Variants in NIPA2 observed in about 807,000 individuals in gnomAD.
NIPA2 encodes the protein NIPA magnesium transporter 2.
In NIPA2, 11 loss-of-function variants were observed where a neutral mutation model predicts 29.7. The ratio of observed to expected loss-of-function variants is 0.37; its 90% CI spans 0.23 to 0.61. The LOEUF is 0.61. Ranked by LOEUF, NIPA2 falls within the 20% of genes least tolerant of loss-of-function variation. NIPA2 has a pLI of 0.66. For missense variants in NIPA2, 426 were observed against 437.9 expected, an observed-to-expected ratio of 0.97 and a Z score of 0.24; for synonymous variants, 183 against 161.9, an observed-to-expected ratio of 1.13 and a Z score of -0.99.
intron 2 of NIPA2, among the ~76,000 whole-genome samples, chr15:22,840,470 G>T (rs1476591474): frequency 6.6e-6 from 1 of 151,790 alleles, no homozygotes; most frequent in Non-Finnish European, 1.5e-5. Context: ...GCTAATTTTT[G>T]TATTTTTAGT....
At chr15:22,840,841 T>C (rs1896890867) in intron 2 of NIPA2, among the ~76,000 whole-genome samples, 1 of 152,210 alleles carries the variant, frequency 6.6e-6, no homozygotes, top group Admixed American at 6.5e-5. Context: ...GAATTTCACA[T>C]ATTTTCAGAA....
chr15:22,845,505 G>T (rs948525503), intron 3 of NIPA2, among the ~76,000 whole-genome samples: 1 of 152,172 alleles, frequency 6.6e-6, no homozygotes, highest in Admixed American at 6.5e-5. Context: ...AACCACCACA[G>T]AAAACCTAAG....
rs2141672241 is a variant in NIPA2, at chr15:22,866,238, G to A, written c.474G>A (p.Val158=). 1 of 1,613,636 alleles carries A rather than the reference G, an allele frequency of 6.2e-7. No homozygotes were observed. The highest frequency in any genetic ancestry group is 2.2e-5 in the East Asian group (1 of 44,880). The part of the protein sequence containing the change: ...DPGFVVFATL[V]VIVALILIFV... ...GTTTTGTGGTCTTTGCAACCCTTGT[G>A]GTCATTGTGGCCTTGATATTAATCT... The change falls in exon 8 of 8, where the codon GTG becomes GTA. Residue 158 remains valine (V), a synonymous_variant. Coordinates refer to ENST00000337451, the MANE Select transcript of NIPA2 (RefSeq NM_030922.7).
intron 3 of NIPA2, among the ~76,000 whole-genome samples, chr15:22,848,338 G>C (rs1040331842): frequency 3.3e-5 from 5 of 152,010 alleles, no homozygotes; most frequent in Non-Finnish European, 7.4e-5. Flanking sequence ...TAAAACATCG[G>C]TTACATTTTA....
At chr15:22,861,013 C>A (rs555186928) in intron 7 of NIPA2, among the ~76,000 whole-genome samples, 2 of 152,080 alleles carry the variant, frequency 1.3e-5, no homozygotes, top group Non-Finnish European at 2.9e-5. Context: ...CTACTTACTT[C>A]CTTAGCTTTA....
intron 3 of NIPA2, among the ~76,000 whole-genome samples, chr15:22,849,059 G>A (rs1417544200): frequency 6.6e-6 from 1 of 152,054 alleles, no homozygotes; most frequent in African/African-American, 2.4e-5. Context: ...CCTGCTTTTT[G>A]TTGCAATCTT....
intron 2 of NIPA2, among the ~76,000 whole-genome samples, chr15:22,841,350 G>A (rs1332455591): frequency 2.0e-5 from 3 of 152,102 alleles, no homozygotes; most frequent in African/African-American, 7.2e-5. Flanking sequence ...ATATCTATTT[G>A]TTTTATGTAA....
chr15:22,846,026 G>A (rs991226907), intron 3 of NIPA2, among the ~76,000 whole-genome samples: 2 of 152,126 alleles, frequency 1.3e-5, no homozygotes, highest in African/African-American at 2.4e-5. Flanking sequence ...TATATGTATT[G>A]TTTTAATCAC....
rs776499734 is a variant in NIPA2 at position 22,839,745 on chromosome 15, C to G, written c.-261C>G. On this transcript the variant is annotated 5_prime_UTR_variant, in exon 2 of 8. Transcript: ENST00000337451. ...TGAGAGTGAATAAGTCATCTCTAAC[C>G]TCTCCCAGCCTTTTTTTCATAAGAG... The G allele has an allele frequency of 2.0e-5, 3 of 152,048 alleles. No individual in the cohort carries two copies. The highest frequency in any genetic ancestry group is 2.1e-4 in the South Asian group (1 of 4,824). The allele number at this position is 152,048 out of a possible 1,614,324, so 9.4% of individuals were successfully genotyped here. A position where few individuals can be genotyped will look rare whatever the true frequency, so the allele number is the denominator to read the frequency against.
Position 22,858,565 on chromosome 15 carries a change from C to G in NIPA2, c.222C>G (p.Phe74Leu). The G allele has an allele frequency of 6.2e-7, 1 of 1,606,800 alleles. No homozygotes were observed. Among genetic ancestry groups the G allele is most frequent in the Non-Finnish European group, 8.5e-7 (1 of 1,175,682 alleles). The change falls in exon 6 of 8, where the codon TTC (phenylalanine) becomes TTG (leucine). Residue 74 changes from phenylalanine (F) to leucine (L), a missense_variant. Coordinates refer to ENST00000337451, the MANE Select transcript of NIPA2 (RefSeq NM_030922.7). ...LSMGAGEVANFAAYAFAPATL... is the reference protein window; with the variant it reads ...LSMGAGEVANLAAYAFAPATL... ...TGGGAGCTGGTGAGGTGGCCAACTT[C>G]GCTGCGTATGCGTTTGCACCAGCCA...
intron 5 of NIPA2, among the ~76,000 whole-genome samples, chr15:22,857,352 G>T (rs905630182): frequency 2.0e-5 from 3 of 151,298 alleles, no homozygotes; most frequent in African/African-American, 7.3e-5. Context: ...CAGGAGAATC[G>T]CTTTAACTTG....
At chr15:22,855,110 A>G (rs1485211568) in intron 5 of NIPA2, among the ~76,000 whole-genome samples, 1 of 151,946 alleles carries the variant, frequency 6.6e-6, no homozygotes, top group East Asian at 1.9e-4. Context: ...TTAAAAAGGC[A>G]CGTGGAAAAA....
rs2059273234 is a variant in NIPA2, at chr15:22,868,194, G to C, written c.*1347G>C. ...CCAACTTTATTATTGGCCTTCTAAG[G>C]AGCTGTTTTAGATGTTTTTTCTAAC... On this transcript the variant is annotated 3_prime_UTR_variant, in exon 8 of 8. Transcript: ENST00000337451. 6.6e-6 allele frequency: 1 copy of C among 152,124 alleles called. No individual in the cohort carries two copies. Among genetic ancestry groups the C allele is most frequent in the South Asian group, 2.1e-4 (1 of 4,822 alleles). 9.4% of individuals were successfully genotyped at this position (152,124 alleles called of 1,614,324 possible).
At chr15:22,863,874 C>G (rs1383031973) in intron 7 of NIPA2, among the ~76,000 whole-genome samples, 1 of 152,110 alleles carries the variant, frequency 6.6e-6, no homozygotes, top group East Asian at 1.9e-4. Context: ...ACTTTGATGG[C>G]TCTTTGATGC....
rs376804174 is a variant in NIPA2, at chr15:22,843,773, CACCAGTAGCTGGGATT to C, written c.-215-1370_-215-1355del. On this transcript the variant is annotated intron_variant, in intron 2 of 7. Coordinates refer to ENST00000337451, the MANE Select transcript of NIPA2 (RefSeq NM_030922.7). ...TCAATAGATTCTCCTTCCTTAGCCT[CACCAGTAGCTGGGATT>C]ACAGGCACCCGCCCTCATGGCAAAT... Among the ~76,000 whole-genome samples the C allele has an allele frequency of 1.4e-4, 21 of 152,078 alleles. 1 individual carries two copies. The highest frequency in any genetic ancestry group is 4.8e-4 in the African/African-American group (20 of 41,510).
intron 4 of NIPA2, among the ~76,000 whole-genome samples, chr15:22,852,464 G>A (rs573334099): frequency 7.9e-4 from 76 of 96,220 alleles, no homozygotes; most frequent in African/African-American, 2.9e-3. Context: ...GTGAGACTCC[G>A]TCTAAAAAAA....
At chr15:22,859,013 A>C (rs1422032336) in intron 6 of NIPA2, among the ~76,000 whole-genome samples, 1 of 152,070 alleles carries the variant, frequency 6.6e-6, no homozygotes, top group East Asian at 1.9e-4. Flanking sequence ...GTCTCTACTA[A>C]AAATACAAAA....
intron 7 of NIPA2, among the ~76,000 whole-genome samples, chr15:22,865,269 G>A (rs1366400119): frequency 6.6e-6 from 1 of 151,794 alleles, no homozygotes; most frequent in East Asian, 2.0e-4. Flanking sequence ...GGTGGATCAC[G>A]AGGTCAGGAG....
chr15:22,839,516 C>G (rs1170795217), intron 1 of NIPA2, 139 bp from the exon 2 acceptor site: 2 of 152,138 alleles, frequency 1.3e-5, no homozygotes, highest in South Asian at 4.1e-4. Context: ...AGCTGCCTGT[C>G]GAAGCAGTAG....
Sources: gnomAD v4.1 joint callset for allele counts (sites outside exome capture counted in the v4.1 genomes callset) on GRCh38, gnomAD v4.1.1 for gene constraint, MANE v1.5 for transcripts, NCBI Gene and HGNC (gene_info 2026-07-23, HGNC 2026-07-21) for gene names.